DAB1: variants seen among roughly 807,000 people sequenced by gnomAD.
DAB1 encodes the protein DAB adaptor protein 1, also known as disabled homolog 1.
In DAB1, 15 loss-of-function variants were observed where a neutral mutation model predicts 64.6. The ratio of observed to expected loss-of-function variants is 0.23; its 90% CI spans 0.16 to 0.36. The LOEUF (loss-of-function observed/expected upper bound fraction) is 0.36. DAB1 is among the 10% of genes least tolerant of loss of function. The pLI is 1.00. For synonymous variants in DAB1, 235 were observed against 251.9 expected (o/e 0.93, Z 0.64); for missense variants, 596 against 706.7 (o/e 0.84, Z 1.78).
intron 1 of DAB1, among the ~76,000 whole-genome samples, chr1:57,377,269 T>TAAAAA (rs745487315): frequency 7.3e-6 from 1 of 137,218 alleles, no homozygotes; most frequent in African/African-American, 2.7e-5. Flanking sequence ...GACTCCATCT[T>TAAAAA]AAAAAAAAAA....
rs189210725 is a variant in DAB1, at chr1:57,378,088, G to C, written c.-137+45842C>G. ...CAAATGAACCAGAGGCCAGAGGGCA[G>C]GGATGCTAATGGAATCATATGGGTC... is the stretch of plus-strand genomic sequence containing the variant. On this transcript the variant is annotated intron_variant, in intron 1 of 14. Transcript: ENST00000371236. Among the ~76,000 whole-genome samples the C allele has an allele frequency of 2.0e-3, 301 of 152,308 alleles. 2 individuals are homozygous for C. The highest frequency in any genetic ancestry group is 6.8e-3 in the Middle Eastern group (2 of 294).
intron 4 of DAB1, among the ~76,000 whole-genome samples, chr1:58,151,533 T>C (rs997438187): frequency 6.6e-6 from 1 of 152,158 alleles, no homozygotes; most frequent in African/African-American, 2.4e-5. Context: ...TAAGTATTCT[T>C]CTCTAAGTCA....
chr1:57,502,760 C>G (rs577847762), intron 7 of DAB1, among the ~76,000 whole-genome samples: 11 of 152,272 alleles, frequency 7.2e-5, no homozygotes, highest in African/African-American at 2.4e-4. Flanking sequence ...TCTGGGAGCT[C>G]TTTAATTTGG....
At chr1:58,252,940 G>T (rs540932103) in intron 4 of DAB1, among the ~76,000 whole-genome samples, 1 of 152,254 alleles carries the variant, frequency 6.6e-6, no homozygotes, top group South Asian at 2.1e-4. Context: ...TCTTTTCCGA[G>T]CTAGTTTCTC....
Position 57,729,115 on chromosome 1 carries a change from T to A in DAB1, n.552-79450A>T, listed in dbSNP as rs138447073. Among the ~76,000 whole-genome samples, 10 of 152,374 alleles carry A rather than the reference T, an allele frequency of 6.6e-5. No individual in the cohort carries two copies. The East Asian group carries it at 1.9e-3, about 29-fold the overall frequency. ...AGGACTGGGTTGGGGAACTGTTAAG[T>A]TGCAGTAATTCCAATGGGGAAAACC... is the stretch of plus-strand genomic sequence containing the variant. On this transcript the variant is annotated intron_variant and non_coding_transcript_variant, in intron 6 of 20. Coordinates refer to the DAB1 transcript ENST00000485760.
chr1:57,455,363 G>A (rs1686548350), intron 7 of DAB1, among the ~76,000 whole-genome samples: 1 of 152,140 alleles, frequency 6.6e-6, no homozygotes, highest in South Asian at 2.1e-4. Context: ...TGAGGAAACT[G>A]AGATACATCT....
In DAB1 at chr1:57,310,483, G is replaced by GA. The variant is rs375348945; in HGVS notation, c.-136-19318dup. On this transcript the variant is annotated intron_variant, in intron 1 of 14. Transcript: ENST00000371236. ...AAGTGGATACCAGAGCTGGGCCCTA[G>GA]AGATGGAAAGTATGGCAGAGTCCTC... Among the ~76,000 whole-genome samples the GA allele has an allele frequency of 5.7e-4, 87 of 152,204 alleles. 1 individual carries two copies. Among genetic ancestry groups the GA allele is most frequent in the African/African-American group, 2.0e-3 (85 of 41,532 alleles).
chr1:57,542,876 A>G (rs150386876), intron 7 of DAB1, among the ~76,000 whole-genome samples: 1 of 152,294 alleles, frequency 6.6e-6, no homozygotes, highest in African/African-American at 2.4e-5. Context: ...GGTTATAAAA[A>G]GCCCTGCAGC....
intron 7 of DAB1, among the ~76,000 whole-genome samples, chr1:57,487,808 T>G (rs1173934594): frequency 6.6e-6 from 1 of 152,218 alleles, no homozygotes; most frequent in African/African-American, 2.4e-5. Context: ...TTTCCATCAT[T>G]ATGGGACGCA....
At chr1:57,047,503 C>A (rs953332741) in intron 9 of DAB1, among the ~76,000 whole-genome samples, 1 of 151,844 alleles carries the variant, frequency 6.6e-6, no homozygotes, top group African/African-American at 2.4e-5. Flanking sequence ...CTGTTCCCAC[C>A]CCCTCACTAC....
rs546035447 is a variant in DAB1 at position 58,457,306 on chromosome 1, A to T, written n.257+48754T>A. Among the ~76,000 whole-genome samples, 6 of 152,264 alleles carry T rather than the reference A, an allele frequency of 3.9e-5. No individual in the cohort carries two copies. In the South Asian group the frequency reaches 1.2e-3, roughly 32 times the overall value. On this transcript the variant is annotated intron_variant and non_coding_transcript_variant, in intron 3 of 20. Coordinates refer to the DAB1 transcript ENST00000485760. ...AAGAAGTAGCGAGGAAAACCACCCG[A>T]GAGTCAGACAGTGCTCCCTCCCTCC...
intron 1 of DAB1, among the ~76,000 whole-genome samples, chr1:57,865,996 T>C (rs1383730942): frequency 6.6e-6 from 1 of 152,160 alleles, no homozygotes; most frequent in Non-Finnish European, 1.5e-5. Flanking sequence ...TGTCCTCACA[T>C]GGTGGAGGGA....
intron 5 of DAB1, chr1:58,049,178 T>C: frequency 1.3e-6 from 1 of 772,130 alleles, no homozygotes; most frequent in East Asian, 2.4e-5. Context: ...CCGTGAGCGT[T>C]CCCTATTGCT....
At chr1:57,527,585 G>A (rs12130025) in intron 7 of DAB1, among the ~76,000 whole-genome samples, 360 of 152,218 alleles carry the variant, frequency 2.4e-3, no homozygotes, top group Non-Finnish European at 4.4e-3. Context: ...TACATGCATT[G>A]ATATCCAGAT....
intron 5 of DAB1, among the ~76,000 whole-genome samples, 190 bp from the exon 6 acceptor site, chr1:57,071,831 T>G (rs1170119881): frequency 1.3e-5 from 2 of 152,222 alleles, no homozygotes. Flanking sequence ...TTTCTTCAAC[T>G]AATTATATTT....
chr1:57,507,796 G>A (rs531554530), intron 7 of DAB1, among the ~76,000 whole-genome samples: 44 of 152,194 alleles, frequency 2.9e-4, no homozygotes, highest in African/African-American at 9.9e-4. Context: ...TTCCGTGGTC[G>A]GTTCTAAATT....
intron 9 of DAB1, among the ~76,000 whole-genome samples, chr1:57,062,309 C>T (rs1223040331): frequency 6.6e-6 from 1 of 152,106 alleles, no homozygotes; most frequent in Non-Finnish European, 1.5e-5. Context: ...CTTTTGTATA[C>T]CCCAAAGGCC....
At chr1:57,215,893 C>T (rs992827773) in intron 2 of DAB1, among the ~76,000 whole-genome samples, 3 of 152,200 alleles carry the variant, frequency 2.0e-5, no homozygotes, top group African/African-American at 7.2e-5. Flanking sequence ...TGGGGGGACA[C>T]AGCCTCCTCT....
At chr1:57,044,414 C>T (rs1468757899) in intron 9 of DAB1, among the ~76,000 whole-genome samples, 1 of 150,682 alleles carries the variant, frequency 6.6e-6, no homozygotes, top group African/African-American at 2.4e-5. Flanking sequence ...TAGGAGGCAT[C>T]TTACAGTATT....
Sources: allele counts gnomAD v4.1 joint callset (sites outside exome capture counted in the v4.1 genomes callset), GRCh38; gene constraint gnomAD v4.1.1; transcripts MANE v1.5; gene names NCBI Gene and HGNC (gene_info 2026-07-23, HGNC 2026-07-21).